KLRG1: variants seen among roughly 807,000 people sequenced by gnomAD.
KLRG1 encodes killer cell lectin like receptor G1, also known as killer cell lectin-like receptor subfamily G member 1.
Under a neutral mutation model 21.8 loss-of-function variants are expected in KLRG1, and 16 were observed. That is an observed-to-expected ratio of 0.73 (90% CI 0.50 to 1.11). The LOEUF is 1.11. Among genes scored for constraint, KLRG1 ranks in the 50% most tolerant of loss-of-function variants. The pLI, the probability that KLRG1 is intolerant of heterozygous loss-of-function variation, is 0.00. For missense variants in KLRG1, 173 were observed against 218.3 expected, an observed-to-expected ratio of 0.79 and a Z score of 1.31; for synonymous variants, 69 against 75.9, an observed-to-expected ratio of 0.91 and a Z score of 0.47.
At chr12:9,194,385 G>T in the KLRG1 span, 17 of 601,630 alleles carry the variant, frequency 2.8e-5, no homozygotes, top group South Asian at 1.1e-4. Flanking sequence ...ACGACAAAAT[G>T]TTTCCTTCCA....
At chr12:9,118,074 A>T in the KLRG1 span, among the ~76,000 whole-genome samples, 1 of 152,190 alleles carries the variant, frequency 6.6e-6, no homozygotes, top group Non-Finnish European at 1.5e-5. Flanking sequence ...CCAGGATTTT[A>T]AAAAATGAAA....
intron 3 of KLRG1, among the ~76,000 whole-genome samples, chr12:9,002,497 T>TAA (rs1261967095): frequency 6.6e-6 from 1 of 152,208 alleles, no homozygotes; most frequent in East Asian, 1.9e-4. Context: ...CTAAGTGACA[T>TAA]AACACCTAAG....
At chr12:9,113,939 A>G in the KLRG1 span, among the ~76,000 whole-genome samples, 3 of 152,248 alleles carry the variant, frequency 2.0e-5, no homozygotes, top group African/African-American at 4.8e-5. Flanking sequence ...TAATCAAATT[A>G]TAGAATTTTC....
chr12:9,038,201 C>A, the KLRG1 span, among the ~76,000 whole-genome samples: 1 of 152,008 alleles, frequency 6.6e-6, no homozygotes, highest in Non-Finnish European at 1.5e-5. Context: ...TTCAAGATGG[C>A]AATAAGCTGT....
chr12:9,155,300 T>C, the KLRG1 span, among the ~76,000 whole-genome samples: 86 of 152,210 alleles, frequency 5.7e-4, no homozygotes, highest in Non-Finnish European at 9.7e-4. Context: ...TTCTTTCTTT[T>C]TTTTTCTCTC....
At chr12:9,125,746 G>A in the KLRG1 span, among the ~76,000 whole-genome samples, 1 of 152,178 alleles carries the variant, frequency 6.6e-6, no homozygotes, top group African/African-American at 2.4e-5. Context: ...TTGTTTGTTT[G>A]TTTTTTGAGA....
At chr12:9,088,151 T>A in the KLRG1 span, among the ~76,000 whole-genome samples, 9,715 of 151,722 alleles carry the variant, frequency 0.064, 1,038 homozygotes, top group African/African-American at 0.22. Flanking sequence ...AAATCACACA[T>A]CCACAAACAT....
the KLRG1 span, among the ~76,000 whole-genome samples, chr12:9,185,292 G>T: frequency 8.6e-4 from 131 of 152,268 alleles, no homozygotes; most frequent in Non-Finnish European, 1.5e-3. Flanking sequence ...GCAATCACAA[G>T]TATTAACAGC....
chr12:9,057,315 C>T, the KLRG1 span, among the ~76,000 whole-genome samples: 8 of 152,070 alleles, frequency 5.3e-5, no homozygotes, highest in Non-Finnish European at 1.5e-5. Flanking sequence ...ATAATTTGTA[C>T]ACATGGACAT....
the KLRG1 span, among the ~76,000 whole-genome samples, chr12:9,163,296 CAA>C: frequency 0.47 from 63,294 of 134,254 alleles, 14,578 homozygotes; most frequent in African/African-American, 0.52. Flanking sequence ...ACTAAAAATA[CAA>C]AAAAAAAAAA....
chr12:9,003,121 A>G (rs1402987535), intron 3 of KLRG1, among the ~76,000 whole-genome samples: 1 of 152,066 alleles, frequency 6.6e-6, no homozygotes, highest in Non-Finnish European at 1.5e-5. Context: ...ATGGGTCTTG[A>G]GGGTAGTAAA....
intron 4 of KLRG1, among the ~76,000 whole-genome samples, 162 bp downstream of exon 4, chr12:9,009,237 CA>C (rs112576720): frequency 0.023 from 2,471 of 107,802 alleles, 23 homozygotes; most frequent in East Asian, 0.066. Flanking sequence ...TGGGTAAGGG[CA>C]AAAAAAAAAA....
chr12:9,153,708 T>A, the KLRG1 span, among the ~76,000 whole-genome samples: 1 of 152,190 alleles, frequency 6.6e-6, no homozygotes, highest in Non-Finnish European at 1.5e-5. Flanking sequence ...TTACTGTACA[T>A]GAAAATGGTA....
the KLRG1 span, chr12:9,170,042 C>T: frequency 6.6e-6 from 1 of 152,558 alleles, no homozygotes; most frequent in South Asian, 2.1e-4. The surrounding 1 kb of genome is among the most constrained non-coding windows in gnomAD (Gnocchi z 4.6). Flanking sequence ...CGGTCTGCAG[C>T]ACTTACGGAG....
At chr12:9,171,404 G>T in the KLRG1 span, among the ~76,000 whole-genome samples, 174 of 152,314 alleles carry the variant, frequency 1.1e-3, no homozygotes, top group African/African-American at 4.0e-3. Context: ...AGATGAGAAA[G>T]AATTAATTCA....
chr12:9,182,256 T>C, the KLRG1 span: 2 of 717,666 alleles, frequency 2.8e-6, no homozygotes, highest in Admixed American at 4.0e-5. Context: ...AGTCTCTCTA[T>C]GTGCCATTAG....
the KLRG1 span, among the ~76,000 whole-genome samples, chr12:9,106,780 C>T: frequency 6.6e-6 from 1 of 152,120 alleles, no homozygotes; most frequent in African/African-American, 2.4e-5. Flanking sequence ...AACAATATCT[C>T]ATGTATAATT....
At chr12:9,192,686 G>T in the KLRG1 span, 1 of 1,613,926 alleles carries the variant, frequency 6.2e-7, no homozygotes, top group Non-Finnish European at 8.5e-7. Flanking sequence ...CACCCTGGTG[G>T]TCTTCTGCTA....
At chr12:9,127,838 G>A in the KLRG1 span, 1 of 236,394 alleles carries the variant, frequency 4.2e-6, no homozygotes, top group Non-Finnish European at 8.7e-6. Flanking sequence ...TGAGCTGAAG[G>A]TGAAGATCTG....
Sources: gnomAD v4.1 joint callset for allele counts (sites outside exome capture counted in the v4.1 genomes callset) on GRCh38, gnomAD v4.1.1 for gene constraint, Gnocchi (gnomAD v3.1) non-coding constraint, MANE v1.5 for transcripts, NCBI Gene and HGNC (gene_info 2026-07-23, HGNC 2026-07-21) for gene names.